The following NRXN1 variants were observed in gnomAD, a reference collection of about 807,000 sequenced individuals.
NRXN1 encodes neurexin 1, also known as neurexin-1.
In NRXN1, 39 loss-of-function variants were observed where a neutral mutation model predicts 150.9. That is an observed-to-expected ratio of 0.26 (90% CI 0.20 to 0.34). The LOEUF is 0.34. Ranked by LOEUF, NRXN1 falls within the 10% of genes least tolerant of loss-of-function variation. The probability of loss-of-function intolerance (pLI) is 1.00; values close to 1 mark genes in which losing one functional copy is unlikely to be tolerated. For missense variants in NRXN1, 1,815 were observed against 1,949.9 expected (o/e 0.93, Z 1.30); for synonymous variants, 924 against 757.0 (o/e 1.22, Z -3.62).
chr2:50,857,981 G>A (rs993284361), intron 5 of NRXN1, among the ~76,000 whole-genome samples: 2 of 151,976 alleles, frequency 1.3e-5, no homozygotes, highest in African/African-American at 4.8e-5. Flanking sequence ...GTGCTTTCAG[G>A]TGTTTTGGTT....
At chr2:50,770,248 G>C (rs1181463742) in intron 5 of NRXN1, among the ~76,000 whole-genome samples, 1 of 151,970 alleles carries the variant, frequency 6.6e-6, no homozygotes, top group East Asian at 1.9e-4. Context: ...TTACACTTTA[G>C]TGAAAGAAAT....
At chr2:50,206,907 T>C (rs10191224) in intron 18 of NRXN1, among the ~76,000 whole-genome samples, 72,649 of 146,742 alleles carry the variant, frequency 0.5, 17,898 homozygotes, top group Non-Finnish European at 0.52. Flanking sequence ...CACACACACA[T>C]ACATATACAC....
intron 5 of NRXN1, among the ~76,000 whole-genome samples, chr2:50,629,531 G>A (rs1681854648): frequency 6.6e-6 from 1 of 151,512 alleles, no homozygotes; most frequent in African/African-American, 2.4e-5. Flanking sequence ...CTTGATTTAA[G>A]GGTTGCCTAT....
intron 12 of NRXN1, among the ~76,000 whole-genome samples, chr2:50,517,541 C>A (rs903841595): frequency 1.3e-5 from 2 of 152,066 alleles, no homozygotes; most frequent in African/African-American, 4.8e-5. Context: ...CTCTGTCCTC[C>A]TGTTTTCATA....
intron 21 of NRXN1, among the ~76,000 whole-genome samples, chr2:50,050,168 T>TTTTG (rs1692482261): frequency 6.6e-6 from 1 of 151,366 alleles, no homozygotes; most frequent in Non-Finnish European, 1.5e-5. Context: ...TCTTTTTTTT[T>TTTTG]TTTTTACTTT....
At chr2:50,122,256 C>T (rs940987868) in intron 18 of NRXN1, among the ~76,000 whole-genome samples, 3 of 152,164 alleles carry the variant, frequency 2.0e-5, no homozygotes, top group African/African-American at 4.8e-5. Flanking sequence ...CTTCTGTTAC[C>T]AGAGGTGATA....
intron 8 of NRXN1, among the ~76,000 whole-genome samples, chr2:50,580,162 A>G (rs1379659867): frequency 1.3e-5 from 2 of 152,200 alleles, no homozygotes; most frequent in Non-Finnish European, 2.9e-5. Flanking sequence ...AAGAAAATGC[A>G]CACCCATATT....
intron 2 of NRXN1, among the ~76,000 whole-genome samples, chr2:50,939,580 C>G (rs1689096677): frequency 6.6e-6 from 1 of 151,968 alleles, no homozygotes; most frequent in Non-Finnish European, 1.5e-5. Context: ...AACAATTTGC[C>G]TTGATAAACT....
intron 21 of NRXN1, among the ~76,000 whole-genome samples, chr2:50,005,778 C>T (rs945607795): frequency 1.3e-5 from 2 of 152,140 alleles, no homozygotes; most frequent in Admixed American, 6.6e-5. Flanking sequence ...CTACAGTTCT[C>T]AAACACACTG....
chr2:50,689,335 TCAAAA>T (rs1691718238), intron 5 of NRXN1, among the ~76,000 whole-genome samples: 1 of 152,070 alleles, frequency 6.6e-6, no homozygotes, highest in Admixed American at 6.5e-5. Context: ...ATTTCAACAA[TCAAAA>T]CAAAACCAGT....
chr2:50,865,378 AGT>A (rs1171469683), intron 5 of NRXN1, among the ~76,000 whole-genome samples: 4 of 151,898 alleles, frequency 2.6e-5, no homozygotes, highest in African/African-American at 9.7e-5. Flanking sequence ...TCCTAAAATT[AGT>A]GTGTGTCTCT....
At chr2:51,000,934 T>C (rs1203594268) in intron 2 of NRXN1, among the ~76,000 whole-genome samples, 2 of 151,958 alleles carry the variant, frequency 1.3e-5, no homozygotes, top group Non-Finnish European at 2.9e-5. Flanking sequence ...ATGCCTGGTT[T>C]CTGACCCTTG....
chr2:50,901,702 G>A (rs996463705), intron 5 of NRXN1, among the ~76,000 whole-genome samples: 3 of 152,034 alleles, frequency 2.0e-5, no homozygotes, highest in Admixed American at 1.3e-4. Context: ...TCGATATCAC[G>A]TGACACTAAG....
At chr2:50,843,134 C>A (rs1193246470) in intron 5 of NRXN1, among the ~76,000 whole-genome samples, 1 of 152,152 alleles carries the variant, frequency 6.6e-6, no homozygotes, top group African/African-American at 2.4e-5. Flanking sequence ...CAGACACATA[C>A]TGAGACCTGG....
intron 19 of NRXN1, among the ~76,000 whole-genome samples, chr2:50,059,148 T>C (rs557372728): frequency 2.0e-5 from 3 of 152,240 alleles, no homozygotes; most frequent in South Asian, 2.1e-4. Flanking sequence ...TGTTGAATGA[T>C]GTTGACCAAA....
intron 13 of NRXN1, among the ~76,000 whole-genome samples, chr2:50,499,553 TGGTA>T (rs771853404): frequency 0.025 from 3,760 of 152,186 alleles, 61 homozygotes; most frequent in Non-Finnish European, 0.037. Context: ...TCTACTTCTT[TGGTA>T]AAAAATAAAA....
At chr2:50,718,021 G>A (rs1024277255) in intron 5 of NRXN1, among the ~76,000 whole-genome samples, 1 of 152,070 alleles carries the variant, frequency 6.6e-6, no homozygotes, top group African/African-American at 2.4e-5. Flanking sequence ...TATGCCCACT[G>A]TTCTCTTCAC....
intron 19 of NRXN1, among the ~76,000 whole-genome samples, chr2:50,061,559 C>A (rs1402964765): frequency 6.6e-6 from 1 of 152,144 alleles, no homozygotes; most frequent in Non-Finnish European, 1.5e-5. Context: ...CAATAAATGA[C>A]CCACTTTTCA....
intron 2 of NRXN1, among the ~76,000 whole-genome samples, chr2:51,013,845 C>T (rs1409096088): frequency 6.6e-6 from 1 of 152,010 alleles, no homozygotes; most frequent in Non-Finnish European, 1.5e-5. Context: ...CCTCTGTGGA[C>T]CAGACTACCA....
Sources: allele counts gnomAD v4.1 joint callset (sites outside exome capture counted in the v4.1 genomes callset), GRCh38; gene constraint gnomAD v4.1.1; transcripts MANE v1.5; gene names NCBI Gene and HGNC (gene_info 2026-07-23, HGNC 2026-07-21).